The following CLCN7 variants were observed in gnomAD, a reference collection of about 807,000 sequenced individuals.
The protein encoded by CLCN7 is Cl-/H+ antiporter 7.
A neutral mutation model predicts 102.1 loss-of-function variants in CLCN7; 60 were observed. That is an observed-to-expected ratio of 0.59 (90% CI 0.48 to 0.73). The LOEUF (loss-of-function observed/expected upper bound fraction) is 0.73, where lower values mean the gene tolerates loss of function less well. Ranked by LOEUF, CLCN7 falls within the 30% of genes least tolerant of loss-of-function variation. The pLI is 0.00. For missense variants in CLCN7, 962 were observed against 1,125.7 expected, an observed-to-expected ratio of 0.85 and a Z score of 2.08; for synonymous variants, 560 against 490.5, an observed-to-expected ratio of 1.14 and a Z score of -1.87.
rs765444328 is a variant in CLCN7 at position 1,453,840 on chromosome 16, C to T, written c.1208G>A (p.Arg403Gln). 21 of 1,613,356 alleles carry T rather than the reference C, an allele frequency of 1.3e-5. No individual in the cohort carries two copies. The highest frequency in any genetic ancestry group is 2.2e-5 in the East Asian group (1 of 44,880). ...CAATGCGGTTTCTCCTCACCTGATTCGAAACATGGTCAGCCAGTAGTTCAA... is the reference window on the plus strand; with the variant it reads ...CAATGCGGTTTCTCCTCACCTGATTTGAAACATGGTCAGCCAGTAGTTCAA... Reference protein sequence around the residue: ...NALNYWLTMFRIRYIHRPCLQ... With the variant: ...NALNYWLTMFQIRYIHRPCLQ... Residue 403 changes from arginine to glutamine, a missense_variant, in exon 14 of 25, where the codon CGA becomes CAA. Physicochemically the swap from Arg to Gln is conservative, Grantham distance 43. This residue lies in a region of CLCN7 where 799 missense variants were observed against 988.0 expected (regional missense o/e 0.81). Coordinates refer to ENST00000382745, the MANE Select transcript of CLCN7 (RefSeq NM_001287.6).
intron 17 of CLCN7, 55 bp from the exon 18 acceptor site, chr16:1,449,382 A>G (rs2038706615): frequency 1.3e-6 from 2 of 1,527,226 alleles, no homozygotes; most frequent in Non-Finnish European, 1.8e-6. Context: ...CAAACCCACC[A>G]AGATACACAG....
chr16:1,453,793 C>A, intron 14 of CLCN7, 41 bp downstream of exon 14: 10 of 1,598,292 alleles, frequency 6.3e-6, no homozygotes, highest in Non-Finnish European at 8.6e-6. Context: ...GCCTGTGTGG[C>A]CACGCCTGCC....
At chr16:1,467,047 G>A (rs758474092) in intron 1 of CLCN7, among the ~76,000 whole-genome samples, 10 of 150,378 alleles carry the variant, frequency 6.6e-5, no homozygotes, top group Non-Finnish European at 1.2e-4. Context: ...TACACCCCCC[G>A]TGTTGATGAC....
chr16:1,455,496 G>T, intron 11 of CLCN7: 1 of 653,602 alleles, frequency 1.5e-6, no homozygotes, highest in Non-Finnish European at 2.7e-6. Context: ...TGGGTTCCCG[G>T]CTGTTTGATC....
At chr16:1,460,568 A>G in intron 5 of CLCN7, 41 bp from the exon 6 acceptor site, 3 of 1,496,022 alleles carry the variant, frequency 2.0e-6, no homozygotes, top group Non-Finnish European at 2.8e-6. Context: ...CCCCGTCATG[A>G]CCACCCAGCC....
At chr16:1,472,942 T>C (rs1027325882) in intron 1 of CLCN7, among the ~76,000 whole-genome samples, 1 of 151,618 alleles carries the variant, frequency 6.6e-6, no homozygotes, top group Non-Finnish European at 1.5e-5. Flanking sequence ...AATTTTGTTT[T>C]TTTTTTTTTG....
At chr16:1,468,457 G>A (rs1043674837) in intron 1 of CLCN7, among the ~76,000 whole-genome samples, 29 of 152,204 alleles carry the variant, frequency 1.9e-4, no homozygotes, top group Admixed American at 3.9e-4. Flanking sequence ...GGAAGAACAC[G>A]ACGTTTACTT....
intron 1 of CLCN7, chr16:1,474,122 A>T: frequency 2.2e-6 from 1 of 455,344 alleles, no homozygotes; most frequent in Middle Eastern, 3.3e-4. Context: ...ACAGACAGGG[A>T]AACAAATGTA....
At chr16:1,452,620 T>C (rs1280427150) in intron 15 of CLCN7, 135 bp downstream of exon 15, 1 of 940,550 alleles carries the variant, frequency 1.1e-6, no homozygotes, top group African/African-American at 1.6e-5. Context: ...CTAACCCTCT[T>C]TGAGACACGC....
chr16:1,473,956 C>T (rs747059137), intron 1 of CLCN7, among the ~76,000 whole-genome samples: 2 of 152,016 alleles, frequency 1.3e-5, no homozygotes, highest in Non-Finnish European at 2.9e-5. Context: ...CGGTGGCGCA[C>T]GCCTGTAATT....
At chr16:1,458,839 T>C (rs2142384916) in intron 7 of CLCN7, among the ~76,000 whole-genome samples, 1 of 152,348 alleles carries the variant, frequency 6.6e-6, no homozygotes, top group East Asian at 1.9e-4. Context: ...CACAGACGCG[T>C]CGCACAGCTG....
At chr16:1,463,668 G>A (rs2038968425) in intron 2 of CLCN7, among the ~76,000 whole-genome samples, 1 of 151,798 alleles carries the variant, frequency 6.6e-6, no homozygotes, top group African/African-American at 2.4e-5. Flanking sequence ...GTTTTTTGTA[G>A]AGACAGGGTC....
Position 1,452,777 on chromosome 16 carries a change from C to A in CLCN7, c.1331G>T (p.Gly444Val). 6.2e-7 allele frequency: 1 copy of A among 1,604,462 alleles called. No individual in the cohort carries two copies. Residue 444 changes from glycine to valine, a missense_variant, in exon 15 of 25, where the codon GGC (glycine) becomes GTC (valine). Around this residue, in one of 2 missense-constraint regions of CLCN7, gnomAD observed 799 missense variants for 988.0 expected, o/e 0.81. Transcript: ENST00000382745. ...SSRDCQPLQG[G>V]SMSYPLQLFC... ...CACCTGCAGCGGGTAGGACATGGAG[C>A]CCCCCTGCAGGGGCTGGCAATCCCG...
intron 1 of CLCN7, among the ~76,000 whole-genome samples, chr16:1,473,886 G>A (rs183984357): frequency 0.011 from 1,732 of 151,958 alleles, 44 homozygotes; most frequent in African/African-American, 0.039. Flanking sequence ...GGAGTTCGAG[G>A]CCAGCCTGAC....
intron 1 of CLCN7, chr16:1,466,796 T>C (rs1161289792): frequency 6.6e-6 from 1 of 151,332 alleles, no homozygotes; most frequent in Non-Finnish European, 1.5e-5. Context: ...CTACTAAAAA[T>C]ACAAAAAGTA....
intron 1 of CLCN7, among the ~76,000 whole-genome samples, chr16:1,470,027 C>T (rs1261581288): frequency 6.6e-6 from 1 of 152,230 alleles, no homozygotes; most frequent in Non-Finnish European, 1.5e-5. Context: ...AGGCAGATGG[C>T]AACGAGGGGG....
At chr16:1,464,967 C>G (rs922587930) in intron 2 of CLCN7, among the ~76,000 whole-genome samples, 5 of 63,396 alleles carry the variant, frequency 7.9e-5, no homozygotes, top group East Asian at 3.6e-4. Context: ...CTCCTCACTG[C>G]CCCCCCAAGA....
intron 1 of CLCN7, among the ~76,000 whole-genome samples, chr16:1,468,953 G>A (rs1174336822): frequency 6.6e-6 from 1 of 151,840 alleles, no homozygotes; most frequent in Non-Finnish European, 1.5e-5. Flanking sequence ...CGCTTTCGGA[G>A]GCCAAGGCGG....
At chr16:1,459,455 G>A (rs75152787) in intron 6 of CLCN7, 1 of 418,128 alleles carries the variant, frequency 2.4e-6, no homozygotes. Context: ...GAAGGGGAGA[G>A]CAGCACACGC....
Sources: gnomAD v4.1 joint callset for allele counts (sites outside exome capture counted in the v4.1 genomes callset) on GRCh38, gnomAD v4.1.1 for gene constraint, gnomAD v4.1.1 regional missense constraint, MANE v1.5 for transcripts, NCBI Gene and HGNC (gene_info 2026-07-23, HGNC 2026-07-21) for gene names.